The following FREM2 variants were observed in gnomAD, a reference collection of about 807,000 sequenced individuals.
The protein encoded by FREM2 is FRAS1 related extracellular matrix 2, also known as FRAS1-related extracellular matrix protein 2.
FREM2 carries 119 observed loss-of-function variants against 219.9 expected under a neutral mutation model. The observed-to-expected ratio is 0.54, with a 90% CI of 0.47 to 0.63. The LOEUF (loss-of-function observed/expected upper bound fraction) is 0.63. Among genes scored for constraint, FREM2 ranks in the 30% least tolerant of loss-of-function variants. The probability of loss-of-function intolerance (pLI) is 0.00; values close to 1 mark genes in which losing one functional copy is unlikely to be tolerated. For missense variants in FREM2, 4,030 were observed against 3,993.6 expected (o/e 1.01, Z -0.25); for synonymous variants, 1,562 against 1,522.8 (o/e 1.03, Z -0.60).
At chr13:38,808,278 C>T (rs917117700) in intron 6 of FREM2, among the ~76,000 whole-genome samples, 1 of 151,898 alleles carries the variant, frequency 6.6e-6, no homozygotes, top group Non-Finnish European at 1.5e-5. Flanking sequence ...CTATCCCAAC[C>T]ACTCAAACTT....
chr13:38,792,908 G>A (rs1874621503), intron 6 of FREM2, among the ~76,000 whole-genome samples: 1 of 152,136 alleles, frequency 6.6e-6, no homozygotes, highest in South Asian at 2.1e-4. Flanking sequence ...AGCAAATACA[G>A]TGGTGCCCTC....
At position 38,692,518 on chromosome 13, in the gene FREM2, GTA is replaced by G; in HGVS notation, c.5173+3_5173+4del. ...CACAGCATCACTCAGTTCACACAAG[GTA>G]TGTTTCATGTTTCTTTTCTTGGTTA... On this transcript the variant is annotated splice_donor_variant and splice_donor_region_variant and intron_variant, in intron 1 of 23. Coordinates refer to ENST00000280481, the MANE Select transcript of FREM2 (RefSeq NM_207361.6). LOFTEE classifies it high-confidence loss of function. The G allele has an allele frequency of 6.2e-7, 1 of 1,608,816 alleles. No individual in the cohort carries two copies. Among genetic ancestry groups the G allele is most frequent in the Non-Finnish European group, 8.5e-7 (1 of 1,179,976 alleles).
chr13:38,849,400 C>T (rs1426448913), intron 8 of FREM2, among the ~76,000 whole-genome samples: 1 of 152,200 alleles, frequency 6.6e-6, no homozygotes, highest in East Asian at 1.9e-4. Flanking sequence ...CAGCACAAGA[C>T]ACTTTCTGTC....
chr13:38,719,814 C>G (rs1274202156), intron 2 of FREM2, among the ~76,000 whole-genome samples: 1 of 152,130 alleles, frequency 6.6e-6, no homozygotes, highest in Non-Finnish European at 1.5e-5. Context: ...TGAGTCAAGT[C>G]TAGGTTTGTC....
rs73461813 is a variant in FREM2 at position 38,749,041 on chromosome 13, A to G, written c.5264-15263A>G. ...TTGTGTTCAGTGCCCAGTCTTGTCTATCTGCAGTGACCTTAGGAAGCCTTT... is the reference window on the plus strand; with the variant it reads ...TTGTGTTCAGTGCCCAGTCTTGTCTGTCTGCAGTGACCTTAGGAAGCCTTT... On this transcript the variant is annotated intron_variant, in intron 2 of 23. Transcript: ENST00000280481. 5.8e-3 allele frequency among the ~76,000 whole-genome samples: 879 copies of G among 152,272 alleles called. 15 individuals are homozygous for G. Among genetic ancestry groups the G allele is most frequent in the African/African-American group, 0.02 (847 of 41,566 alleles).
chr13:38,797,692 C>T (rs1485950734), intron 6 of FREM2, among the ~76,000 whole-genome samples: 1 of 151,908 alleles, frequency 6.6e-6, no homozygotes, highest in Non-Finnish European at 1.5e-5. Flanking sequence ...ACAAATGTTC[C>T]CAAGTTTTCC....
At chr13:38,801,838 TCAGTGG>T (rs1292804016) in intron 6 of FREM2, among the ~76,000 whole-genome samples, 1 of 152,138 alleles carries the variant, frequency 6.6e-6, no homozygotes, top group Non-Finnish European at 1.5e-5. Flanking sequence ...TCAGATGCTA[TCAGTGG>T]CAGTGGTAGG....
intron 6 of FREM2, among the ~76,000 whole-genome samples, chr13:38,819,016 C>T (rs928228764): frequency 1.3e-5 from 2 of 152,054 alleles, no homozygotes; most frequent in Non-Finnish European, 2.9e-5. Context: ...ATCAAAACAT[C>T]AAGTTGCACC....
At chr13:38,751,776 T>G (rs755456006) in intron 2 of FREM2, among the ~76,000 whole-genome samples, 5 of 152,126 alleles carry the variant, frequency 3.3e-5, no homozygotes, top group Non-Finnish European at 7.3e-5. Flanking sequence ...AAATATCAAT[T>G]AAATAAAACT....
In FREM2 at chr13:38,881,219, G is replaced by T; in HGVS notation, c.*432G>T. The T allele has an allele frequency of 4.4e-6, 1 of 229,790 alleles. No homozygotes were observed. The highest frequency in any genetic ancestry group is 6.2e-5 in the South Asian group (1 of 16,244). The allele number at this position is 229,790 out of a possible 1,614,324, so 14.2% of individuals were successfully genotyped here. A position where few individuals can be genotyped will look rare whatever the true frequency, so the allele number is the denominator to read the frequency against. ...TGTATAACAGATTATTACTAGAAAG[G>T]TTTTTGTTGCTAGTCTGGAAAACTG... On this transcript the variant is annotated 3_prime_UTR_variant, in exon 24 of 24. Coordinates refer to ENST00000280481, the MANE Select transcript of FREM2 (RefSeq NM_207361.6).
chr13:38,852,360 A>T (rs1246144505), intron 11 of FREM2, among the ~76,000 whole-genome samples: 1 of 152,174 alleles, frequency 6.6e-6, no homozygotes, highest in African/African-American at 2.4e-5. Context: ...CTTACAGGGT[A>T]TATGTGTTAG....
intron 4 of FREM2, among the ~76,000 whole-genome samples, chr13:38,773,969 A>C (rs1271915170): frequency 1.3e-5 from 2 of 150,824 alleles, no homozygotes; most frequent in African/African-American, 4.8e-5. Flanking sequence ...TATTTAAAAA[A>C]AATATGTATA....
rs1871179987 is a variant in FREM2 at position 38,720,439 on chromosome 13, A to G, written c.5263+22652A>G. ...AGCTATAGAACTCACACATGCGCAGACAGATTCTAATTGCATCTCTGACTC... is the reference window on the plus strand; with the variant it reads ...AGCTATAGAACTCACACATGCGCAGGCAGATTCTAATTGCATCTCTGACTC... On this transcript the variant is annotated intron_variant, in intron 2 of 23. Coordinates refer to ENST00000280481, the MANE Select transcript of FREM2 (RefSeq NM_207361.6). Among the ~76,000 whole-genome samples, 3 of 152,332 alleles carry G rather than the reference A, an allele frequency of 2.0e-5. No homozygotes were observed. In the South Asian group the frequency reaches 6.2e-4, roughly 32 times the overall value.
intron 2 of FREM2, among the ~76,000 whole-genome samples, chr13:38,723,164 G>C (rs1871366656): frequency 6.6e-6 from 1 of 152,198 alleles, no homozygotes; most frequent in African/African-American, 2.4e-5. Flanking sequence ...GAACCTGGGA[G>C]GTGGAGGTTG....
chr13:38,815,783 A>G (rs763947520), intron 6 of FREM2, among the ~76,000 whole-genome samples: 1 of 152,164 alleles, frequency 6.6e-6, no homozygotes, highest in African/African-American at 2.4e-5. Flanking sequence ...AGAGATCCCA[A>G]GCTTTTTAAC....
In FREM2 at chr13:38,687,863, G is replaced by A; in HGVS notation, c.519G>A (p.Glu173=). 1 of 1,568,722 alleles carries A rather than the reference G, an allele frequency of 6.4e-7. No individual in the cohort carries two copies. Among genetic ancestry groups the A allele is most frequent in the Non-Finnish European group, 8.7e-7 (1 of 1,153,062 alleles). ...TGCTACCACTGGTACTGGAGGTGGA[G>A]GTGGTCTTCACCCAGCTGGAGGTTG... is the stretch of plus-strand genomic sequence containing the variant. ...AVVLPLVLEV[E]VVFTQLEVVT... The change falls in exon 1 of 24, where the codon GAG becomes GAA. Residue 173 remains glutamate (E), a synonymous_variant. Coordinates refer to ENST00000280481, the MANE Select transcript of FREM2 (RefSeq NM_207361.6).
intron 6 of FREM2, among the ~76,000 whole-genome samples, chr13:38,805,789 T>TTA (rs1875202437): frequency 6.6e-6 from 1 of 151,952 alleles, no homozygotes; most frequent in Admixed American, 6.6e-5. Flanking sequence ...TTATCACTTG[T>TTA]TATATATTAA....
chr13:38,746,316 T>C (rs1872483192), intron 2 of FREM2, among the ~76,000 whole-genome samples: 1 of 152,186 alleles, frequency 6.6e-6, no homozygotes, highest in Admixed American at 6.5e-5. Context: ...ATATGTCTTA[T>C]GGCCTTTCCC....
At position 38,710,866 on chromosome 13, in the gene FREM2, A is replaced by G. The variant is rs375903156; in HGVS notation, c.5263+13079A>G. Among the ~76,000 whole-genome samples, 14 of 152,346 alleles carry G rather than the reference A, an allele frequency of 9.2e-5. No homozygotes were observed. In the South Asian group the frequency reaches 1.5e-3, roughly 16 times the overall value. ...AAATGGAAGCTTGTGCTTACTTTCTATATCTTTCAAGAACACATAGGTGTA... is the reference window on the plus strand; with the variant it reads ...AAATGGAAGCTTGTGCTTACTTTCTGTATCTTTCAAGAACACATAGGTGTA... On this transcript the variant is annotated intron_variant, in intron 2 of 23. Coordinates refer to ENST00000280481, the MANE Select transcript of FREM2 (RefSeq NM_207361.6).
Sources: allele counts gnomAD v4.1 joint callset (sites outside exome capture counted in the v4.1 genomes callset), GRCh38; gene constraint gnomAD v4.1.1; transcripts MANE v1.5; gene names NCBI Gene and HGNC (gene_info 2026-07-23, HGNC 2026-07-21).